UHRF2: variants seen among roughly 807,000 people sequenced by gnomAD.
UHRF2 encodes E3 ubiquitin-protein ligase UHRF2.
In UHRF2, 23 loss-of-function variants were observed where a neutral mutation model predicts 96.8. The observed-to-expected ratio is 0.24, with a 90% CI of 0.17 to 0.34. The LOEUF is 0.34. Among genes scored for constraint, UHRF2 ranks in the 10% least tolerant of loss-of-function variants. UHRF2 has a pLI of 1.00. For missense variants in UHRF2, 685 were observed against 981.5 expected (o/e 0.70, Z 4.04); for synonymous variants, 385 against 332.6 (o/e 1.16, Z -1.72).
At chr9:6,425,685 C>G (rs1037353361) in intron 2 of UHRF2, among the ~76,000 whole-genome samples, 3 of 152,070 alleles carry the variant, frequency 2.0e-5, no homozygotes, top group Admixed American at 1.3e-4. Context: ...ATCACTTGAA[C>G]CCAGGAAGCA....
intron 6 of UHRF2, among the ~76,000 whole-genome samples, chr9:6,480,329 T>C (rs1823845610): frequency 6.6e-6 from 1 of 152,252 alleles, no homozygotes; most frequent in Non-Finnish European, 1.5e-5. Flanking sequence ...ATGTTCTGGC[T>C]TTCCTTCACT....
chr9:6,496,171 C>G (rs986921403), intron 10 of UHRF2: 4 of 151,884 alleles, frequency 2.6e-5, no homozygotes, highest in African/African-American at 9.7e-5. Context: ...TTAACTTGAG[C>G]CTGCATAAAA....
intron 3 of UHRF2, among the ~76,000 whole-genome samples, chr9:6,438,804 G>A (rs906722645): frequency 2.0e-4 from 31 of 152,142 alleles, no homozygotes; most frequent in African/African-American, 5.8e-4. Flanking sequence ...AACAGAATTC[G>A]TTGCTGAATT....
chr9:6,460,899 G>C, intron 4 of UHRF2, 108 bp downstream of exon 4: 1 of 866,314 alleles, frequency 1.2e-6, no homozygotes, highest in Admixed American at 3.6e-5. Context: ...GTCTATAAAA[G>C]ATGGAAATTT....
intron 5 of UHRF2, 97 bp downstream of exon 5, chr9:6,475,597 C>T: frequency 1.9e-6 from 1 of 528,274 alleles, no homozygotes; most frequent in Admixed American, 3.5e-5. Context: ...AAGTATAAAA[C>T]TGTAGACCAT....
chr9:6,497,420 G>T, intron 11 of UHRF2, 60 bp downstream of exon 11: 1 of 1,584,258 alleles, frequency 6.3e-7, no homozygotes, highest in Non-Finnish European at 8.6e-7. Flanking sequence ...AGGCAGGGTT[G>T]TTGCAAGGAA....
chr9:6,474,750 A>T (rs1195691265), intron 4 of UHRF2, among the ~76,000 whole-genome samples: 2 of 152,108 alleles, frequency 1.3e-5, no homozygotes, highest in African/African-American at 4.8e-5. Flanking sequence ...GAAATGTACA[A>T]ATCCACACCC....
intron 8 of UHRF2, among the ~76,000 whole-genome samples, chr9:6,482,463 G>A (rs941974912): frequency 1.3e-5 from 2 of 152,198 alleles, no homozygotes; most frequent in Admixed American, 6.5e-5. Flanking sequence ...TGTTTCAGGT[G>A]TTGTTTTTGG....
chr9:6,495,843 C>G (rs1824933800), intron 10 of UHRF2: 1 of 152,142 alleles, frequency 6.6e-6, no homozygotes, highest in Admixed American at 6.5e-5. Flanking sequence ...TTAAAGCATT[C>G]CATTCAGTGA....
intron 3 of UHRF2, among the ~76,000 whole-genome samples, chr9:6,438,189 T>C (rs1327727344): frequency 6.6e-6 from 1 of 152,226 alleles, no homozygotes; most frequent in Non-Finnish European, 1.5e-5. Context: ...AAGGGAAGTT[T>C]CAGGATAACC....
At position 6,460,745 on chromosome 9, in the gene UHRF2, A is replaced by G. The variant is rs753255860; in HGVS notation, c.817A>G (p.Thr273Ala). Residue 273 changes from threonine to alanine, a missense_variant, in exon 4 of 16, where the codon ACA becomes GCA. Thr to Ala is a moderately conservative substitution (Grantham distance 58, BLOSUM62 0). Transcript: ENST00000276893. ...TGATGCAGAAATTACCACATTGAAG[A>G]CAATCTCAAGGACCAAAAAAGAACT... ...WFDAEITTLKTISRTKKELRV... is the reference protein window; with the variant it reads ...WFDAEITTLKAISRTKKELRV... The G allele has an allele frequency of 6.8e-6, 11 of 1,613,750 alleles. No homozygotes were observed. The highest frequency in any genetic ancestry group is 9.3e-6 in the Non-Finnish European group (11 of 1,179,952).
intron 6 of UHRF2, among the ~76,000 whole-genome samples, chr9:6,480,128 C>T (rs918606935): frequency 1.3e-5 from 2 of 152,228 alleles, no homozygotes; most frequent in African/African-American, 4.8e-5. Flanking sequence ...ACCTTGGTCT[C>T]TACCCACCTT....
chr9:6,496,739 G>A (rs1000584583), intron 10 of UHRF2: 1 of 153,000 alleles, frequency 6.5e-6, no homozygotes, highest in African/African-American at 2.4e-5. Context: ...GTAGACCTGG[G>A]AAGGTCATTT....
chr9:6,475,454 G>A lies in UHRF2; in HGVS notation c.927G>A (p.Glu309=). ...CTGTAGATGAAATCTTCAAGATTGAGAGACCTGGAGCCCATCCCCTTTCAT... is the reference window on the plus strand; with the variant it reads ...CTGTAGATGAAATCTTCAAGATTGAAAGACCTGGAGCCCATCCCCTTTCAT... ...IISVDEIFKI[E]RPGAHPLSFA... The change falls in exon 5 of 16, where the codon GAG becomes GAA. Residue 309 remains glutamate (E), a synonymous_variant. Coordinates refer to ENST00000276893, the MANE Select transcript of UHRF2 (RefSeq NM_152896.3). 6.3e-7 allele frequency: 1 copy of A among 1,596,590 alleles called. No individual in the cohort carries two copies. Among genetic ancestry groups the A allele is most frequent in the Non-Finnish European group, 8.5e-7 (1 of 1,170,810 alleles).
chr9:6,501,995 ATAT>A (rs1429191278), intron 14 of UHRF2, among the ~76,000 whole-genome samples: 2 of 152,186 alleles, frequency 1.3e-5, no homozygotes, highest in East Asian at 3.8e-4. Context: ...TTCCTAGGTC[ATAT>A]TATTGTGACC....
intron 1 of UHRF2, among the ~76,000 whole-genome samples, chr9:6,418,098 T>TA (rs1227826607): frequency 1.3e-5 from 2 of 152,198 alleles, no homozygotes; most frequent in African/African-American, 2.4e-5. Context: ...AGTTGTATGT[T>TA]ACGCTTTTTC....
intron 2 of UHRF2, among the ~76,000 whole-genome samples, chr9:6,429,822 G>C (rs1014367474): frequency 6.6e-6 from 1 of 152,208 alleles, no homozygotes; most frequent in African/African-American, 2.4e-5. Flanking sequence ...GTGGGTGATA[G>C]ATGAAGAACT....
intron 4 of UHRF2, among the ~76,000 whole-genome samples, chr9:6,467,495 ATGTTTTGTT>A (rs1220959105): frequency 6.6e-6 from 1 of 150,728 alleles, no homozygotes; most frequent in East Asian, 1.9e-4. Flanking sequence ...TGGAATGTTA[ATGTTTTGTT>A]TGTTTTGTTT....
intron 4 of UHRF2, among the ~76,000 whole-genome samples, chr9:6,474,740 G>A (rs1823461030): frequency 6.6e-6 from 1 of 151,974 alleles, no homozygotes; most frequent in Admixed American, 6.6e-5. Flanking sequence ...AATAAATGGA[G>A]AAATGTACAA....
Sources: gnomAD v4.1 joint callset for allele counts (sites outside exome capture counted in the v4.1 genomes callset) on GRCh38, gnomAD v4.1.1 for gene constraint, MANE v1.5 for transcripts, NCBI Gene and HGNC (gene_info 2026-07-23, HGNC 2026-07-21) for gene names.